The following PITPNM2 variants were observed in gnomAD, a reference collection of about 807,000 sequenced individuals.
PITPNM2 encodes membrane-associated phosphatidylinositol transfer protein 2.
Under a neutral mutation model 132.2 loss-of-function variants are expected in PITPNM2, and 35 were observed. The ratio of observed to expected loss-of-function variants is 0.26; its 90% confidence interval spans 0.20 to 0.35. The LOEUF (loss-of-function observed/expected upper bound fraction) is 0.35. Among genes scored for constraint, PITPNM2 ranks in the 10% least tolerant of loss-of-function variants. The probability of loss-of-function intolerance (pLI) is 1.00; values close to 1 mark genes in which losing one functional copy is unlikely to be tolerated. For synonymous variants in PITPNM2, 738 were observed against 799.2 expected (o/e 0.92, Z 1.29); for missense variants, 1,332 against 1,912.0 (o/e 0.70, Z 5.66).
intron 3 of PITPNM2, among the ~76,000 whole-genome samples, chr12:123,028,203 C>T (rs759862004): frequency 2.6e-5 from 4 of 152,224 alleles, no homozygotes; most frequent in Admixed American, 6.5e-5. Context: ...ACACCTCGGA[C>T]GGATGGCCCT....
chr12:122,998,268 G>A (rs2038514667), intron 10 of PITPNM2, among the ~76,000 whole-genome samples: 1 of 152,218 alleles, frequency 6.6e-6, no homozygotes, highest in South Asian at 2.1e-4. Context: ...TTAGAGAGGA[G>A]GTCGATCAGA....
chr12:122,998,054 C>T (rs952122537), intron 10 of PITPNM2, among the ~76,000 whole-genome samples: 14 of 152,220 alleles, frequency 9.2e-5, no homozygotes, highest in African/African-American at 3.4e-4. Context: ...CTCAAAGTTA[C>T]AGAGGTCACC....
chr12:123,021,295 G>A (rs1474502962), intron 3 of PITPNM2, among the ~76,000 whole-genome samples: 2 of 152,272 alleles, frequency 1.3e-5, no homozygotes, highest in East Asian at 1.9e-4. Flanking sequence ...AGGGGCCCCA[G>A]CCCTGTTTAC....
At position 123,077,870 on chromosome 12, in the gene PITPNM2, G is replaced by C. The variant is rs1265896614; in HGVS notation, c.-96+32515C>G. Among the ~76,000 whole-genome samples the C allele has an allele frequency of 6.6e-6, 1 of 152,190 alleles. No individual in the cohort carries two copies. Among genetic ancestry groups the C allele is most frequent in the African/African-American group, 2.4e-5 (1 of 41,438 alleles). The stretch of plus-strand genomic sequence containing the variant: ...CAGGAGGTGTGCACCACAGGAGCCA[G>C]GCTGGGGTCGCGCAGCAGCCTCCCA... On this transcript the variant is annotated intron_variant, in intron 2 of 25. Transcript: ENST00000320201. This position sits in a 1 kb window ranked among gnomAD's most constrained non-coding sequence, Gnocchi z 4.8.
In PITPNM2 at chr12:123,015,814, C is replaced by A. The variant is rs1239450177; in HGVS notation, c.79-1772G>T. Among the ~76,000 whole-genome samples the A allele has an allele frequency of 6.6e-5, 10 of 152,272 alleles. No homozygotes were observed. In the East Asian group the frequency reaches 1.9e-3, roughly 29 times the overall value. On this transcript the variant is annotated intron_variant, in intron 3 of 25. Transcript: ENST00000320201. ...AGAGCACTATGAAGAGAGAAAAAGA[C>A]AACCCACCAAATGGGAGAAGACATT... is the stretch of plus-strand genomic sequence containing the variant.
At chr12:123,100,150 C>T (rs936069175) in intron 2 of PITPNM2, among the ~76,000 whole-genome samples, 1 of 152,180 alleles carries the variant, frequency 6.6e-6, no homozygotes, top group African/African-American at 2.4e-5. Flanking sequence ...GGTTCTGGAA[C>T]CTGCATTAAC....
intron 1 of PITPNM2, among the ~76,000 whole-genome samples, chr12:123,120,502 C>T (rs1022572398): frequency 3.9e-5 from 6 of 152,176 alleles, no homozygotes; most frequent in African/African-American, 4.8e-5. Flanking sequence ...GAGAGTGGAT[C>T]ATGGAAGAGT....
chr12:122,989,101 C>T (rs1215580835), intron 18 of PITPNM2, among the ~76,000 whole-genome samples: 1 of 152,196 alleles, frequency 6.6e-6, no homozygotes, highest in African/African-American at 2.4e-5. Context: ...GGGGCTCCTG[C>T]GGTTGCGTGG....
At chr12:123,122,406 G>A (rs2043050356) in intron 1 of PITPNM2, among the ~76,000 whole-genome samples, 1 of 152,130 alleles carries the variant, frequency 6.6e-6, no homozygotes, top group Non-Finnish European at 1.5e-5. Context: ...AGGTTGCAGT[G>A]AGCCAAGATC....
chr12:123,030,049 G>T (rs1197452624), intron 3 of PITPNM2, among the ~76,000 whole-genome samples: 2 of 124,178 alleles, frequency 1.6e-5, no homozygotes, highest in African/African-American at 5.1e-5. Context: ...ACAGGAAACT[G>T]CGAGGATTCA....
intron 2 of PITPNM2, among the ~76,000 whole-genome samples, chr12:123,043,449 C>T (rs190279921): frequency 6.6e-6 from 1 of 152,280 alleles, no homozygotes; most frequent in Non-Finnish European, 1.5e-5. Context: ...CTAACGCTGG[C>T]CTGGGCAGTG....
chr12:123,016,590 CAAACAAAA>C lies in PITPNM2; in HGVS notation c.79-2556_79-2549del, dbSNP rs1189746797. ...TCGGCCTAAGACTCCGTCTCAAAAA[CAAACAAAA>C]AAACAAAAAACACAATGAGATAGCA... On this transcript the variant is annotated intron_variant, in intron 3 of 25. Transcript: ENST00000320201. 1.4e-4 allele frequency among the ~76,000 whole-genome samples: 9 copies of C among 64,926 alleles called. No individual in the cohort carries two copies. The East Asian group carries it at 4.0e-3, about 29-fold the overall frequency. The allele number at this position is 64,926 out of a possible 152,430, so 42.6% of individuals were successfully genotyped here.
chr12:123,031,580 C>A lies in PITPNM2; in HGVS notation c.78+2933G>T, dbSNP rs2040089905. Among the ~76,000 whole-genome samples the A allele has an allele frequency of 6.6e-6, 1 of 152,142 alleles. No individual in the cohort carries two copies. The highest frequency in any genetic ancestry group is 2.1e-4 in the South Asian group (1 of 4,822). On this transcript the variant is annotated intron_variant, in intron 3 of 25. Transcript: ENST00000320201. This position sits in a 1 kb window ranked among gnomAD's most constrained non-coding sequence, Gnocchi z 4.5. ...ACCAAGAACACAGAGGACACAGGTGCAGGGCACTAGCACCTGTGATGTGCA... is the reference window on the plus strand; with the variant it reads ...ACCAAGAACACAGAGGACACAGGTGAAGGGCACTAGCACCTGTGATGTGCA...
intron 2 of PITPNM2, 82 bp from the exon 3 acceptor site, chr12:123,034,767 C>G (rs1419030234): frequency 1.6e-6 from 1 of 607,044 alleles, no homozygotes; most frequent in Non-Finnish European, 3.0e-6. Context: ...AAGGCCCGGT[C>G]TACACCTGAG....
At chr12:123,143,772 G>A (rs1380809798) in intron 1 of PITPNM2, among the ~76,000 whole-genome samples, 2 of 152,312 alleles carry the variant, frequency 1.3e-5, no homozygotes, top group East Asian at 3.9e-4. Context: ...GCTGGCAGCA[G>A]CCCTTCTAGA....
intron 12 of PITPNM2, 52 bp downstream of exon 12, chr12:122,996,669 G>T (rs559214482): frequency 6.2e-7 from 1 of 1,610,806 alleles, no homozygotes; most frequent in Non-Finnish European, 8.5e-7. Flanking sequence ...AGGCCAGCCC[G>T]CCCTACAGGG....
chr12:123,096,326 G>A (rs1374171738), intron 2 of PITPNM2, among the ~76,000 whole-genome samples: 1 of 152,218 alleles, frequency 6.6e-6, no homozygotes, highest in African/African-American at 2.4e-5. Flanking sequence ...CACAGAAGAG[G>A]AATGGGCTCG....
intron 19 of PITPNM2, 21 bp from the exon 20 acceptor site, chr12:122,988,371 A>T: frequency 6.2e-7 from 1 of 1,606,612 alleles, no homozygotes; most frequent in Non-Finnish European, 8.5e-7. Flanking sequence ...GGGACAGTGC[A>T]GGCTGTGGGG....
intron 2 of PITPNM2, among the ~76,000 whole-genome samples, chr12:123,074,690 C>A (rs1258363641): frequency 6.6e-6 from 1 of 152,144 alleles, no homozygotes; most frequent in African/African-American, 2.4e-5. Context: ...CTAAGCTTAT[C>A]AGTCTCTGAT....
Sources: gnomAD v4.1 joint callset for allele counts (sites outside exome capture counted in the v4.1 genomes callset) on GRCh38, gnomAD v4.1.1 for gene constraint, Gnocchi (gnomAD v3.1) non-coding constraint, MANE v1.5 for transcripts, NCBI Gene and HGNC (gene_info 2026-07-23, HGNC 2026-07-21) for gene names.